Variants in PRTFDC1 observed in about 807,000 individuals in gnomAD.
The protein encoded by PRTFDC1 is phosphoribosyltransferase domain-containing protein 1.
Under a neutral mutation model 34.6 loss-of-function variants are expected in PRTFDC1, and 38 were observed. The ratio of observed to expected loss-of-function variants is 1.10; its 90% CI spans 0.85 to 1.44. The LOEUF is 1.44. PRTFDC1 is among the 40% of genes most tolerant of loss of function. The pLI is 0.00. For synonymous variants in PRTFDC1, 93 were observed against 98.1 expected (o/e 0.95, Z 0.31); for missense variants, 270 against 283.0 (o/e 0.95, Z 0.33).
chr10:24,880,648 C>G (rs972372390), intron 3 of PRTFDC1, among the ~76,000 whole-genome samples: 1 of 152,150 alleles, frequency 6.6e-6, no homozygotes, highest in Non-Finnish European at 1.5e-5. Context: ...GGACTGCTGT[C>G]CCTCTGGTGC....
intron 3 of PRTFDC1, among the ~76,000 whole-genome samples, chr10:24,932,356 C>G (rs1353284396): frequency 6.6e-6 from 1 of 151,762 alleles, no homozygotes; most frequent in Admixed American, 6.6e-5. Flanking sequence ...AAGGAAGAAG[C>G]AAAATCATCT....
chr10:24,881,144 T>C (rs560537537), intron 3 of PRTFDC1, among the ~76,000 whole-genome samples: 1 of 151,874 alleles, frequency 6.6e-6, no homozygotes, highest in African/African-American at 2.4e-5. Context: ...CATAGCTTAC[T>C]GCAGCCTCAA....
intron 3 of PRTFDC1, among the ~76,000 whole-genome samples, chr10:24,921,033 G>C (rs1409986947): frequency 6.6e-6 from 1 of 151,708 alleles, no homozygotes; most frequent in East Asian, 1.9e-4. Flanking sequence ...AATAAAACAA[G>C]AATATGTCAC....
rs535593578 is a variant in PRTFDC1, at chr10:24,870,558, T to G, written c.405+1440A>C. ...TACAATAAAATGCTAAAATGACGTA[T>G]TAGCTAAAGACCACTCCAGGGTCGT... is the stretch of plus-strand genomic sequence containing the variant. On this transcript the variant is annotated intron_variant, in intron 4 of 8. Transcript: ENST00000320152. Among the ~76,000 whole-genome samples, 84 of 152,326 alleles carry G rather than the reference T, an allele frequency of 5.5e-4. No homozygotes were observed. In the South Asian group the frequency reaches 5.6e-3, roughly 10 times the overall value.
intron 4 of PRTFDC1, 144 bp downstream of exon 4, chr10:24,871,854 T>A (rs527636975): frequency 1.6e-6 from 1 of 628,474 alleles, no homozygotes; most frequent in Non-Finnish European, 2.8e-6. Flanking sequence ...AAAGGGGAGA[T>A]CATTAAAAGG....
At chr10:24,937,747 G>A (rs530015155) in intron 2 of PRTFDC1, among the ~76,000 whole-genome samples, 1 of 151,758 alleles carries the variant, frequency 6.6e-6, no homozygotes, top group East Asian at 2.0e-4. Flanking sequence ...TAGTAGAGAC[G>A]AGGTTTTGCC....
At chr10:24,907,667 G>A (rs1231447835) in intron 3 of PRTFDC1, among the ~76,000 whole-genome samples, 1 of 152,122 alleles carries the variant, frequency 6.6e-6, no homozygotes, top group Admixed American at 6.5e-5. Context: ...AAACATCTGT[G>A]GAAATAGCAA....
At chr10:24,929,244 C>T (rs780584458) in intron 3 of PRTFDC1, among the ~76,000 whole-genome samples, 4 of 151,958 alleles carry the variant, frequency 2.6e-5, no homozygotes, top group Admixed American at 6.6e-5. Context: ...TGATTTAAAC[C>T]CTTTGTTCTG....
At chr10:24,853,634 A>C (rs1249503171) in intron 7 of PRTFDC1, among the ~76,000 whole-genome samples, 5 of 152,130 alleles carry the variant, frequency 3.3e-5, no homozygotes, top group Non-Finnish European at 7.4e-5. Flanking sequence ...GCAAATCCCA[A>C]GAAACCCTGT....
At chr10:24,919,167 C>T (rs1380105915) in intron 3 of PRTFDC1, among the ~76,000 whole-genome samples, 1 of 152,054 alleles carries the variant, frequency 6.6e-6, no homozygotes, top group Non-Finnish European at 1.5e-5. Context: ...AAATCCTATA[C>T]CTGGTACTAA....
chr10:24,938,552 A>G (rs1588624198), intron 2 of PRTFDC1, among the ~76,000 whole-genome samples: 1 of 152,318 alleles, frequency 6.6e-6, no homozygotes, highest in East Asian at 1.9e-4. Flanking sequence ...GATAGGGAAC[A>G]CTGTAAGCTA....
intron 3 of PRTFDC1, among the ~76,000 whole-genome samples, chr10:24,914,527 C>G (rs1848667439): frequency 6.6e-6 from 1 of 152,182 alleles, no homozygotes; most frequent in African/African-American, 2.4e-5. Context: ...CTGGCACACT[C>G]TCAGGCAGCA....
At chr10:24,877,342 A>T (rs905514343) in intron 3 of PRTFDC1, among the ~76,000 whole-genome samples, 3 of 151,864 alleles carry the variant, frequency 2.0e-5, no homozygotes, top group African/African-American at 7.3e-5. Context: ...CCTAACCATG[A>T]TATTTTTCTA....
chr10:24,861,494 T>C (rs1039765693), intron 4 of PRTFDC1, among the ~76,000 whole-genome samples: 4 of 150,112 alleles, frequency 2.7e-5, no homozygotes, highest in African/African-American at 9.7e-5. Context: ...AGTAAGACTC[T>C]ATCTCAAAAC....
intron 1 of PRTFDC1, among the ~76,000 whole-genome samples, chr10:24,945,786 C>T (rs149027750): frequency 2.8e-4 from 42 of 152,244 alleles, no homozygotes; most frequent in African/African-American, 8.4e-4. Flanking sequence ...AAAAGTGTCT[C>T]GTTTGCTCTC....
chr10:24,892,135 T>C (rs988445506), intron 3 of PRTFDC1, among the ~76,000 whole-genome samples: 1 of 152,144 alleles, frequency 6.6e-6, no homozygotes, highest in African/African-American at 2.4e-5. Context: ...AGCAGTGGGA[T>C]TGCTGGATCA....
chr10:24,944,322 G>A (rs1401670662), intron 1 of PRTFDC1, among the ~76,000 whole-genome samples: 1 of 152,020 alleles, frequency 6.6e-6, no homozygotes, highest in Admixed American at 6.5e-5. Flanking sequence ...CAACTCCCTC[G>A]AAATTTATCC....
chr10:24,951,581 G>A (rs1200592208), intron 1 of PRTFDC1: 1 of 985,236 alleles, frequency 1.0e-6, no homozygotes, highest in Non-Finnish European at 1.2e-6. Flanking sequence ...TTCATAAACA[G>A]ATTATCTGTG....
At chr10:24,876,217 C>CCAAAA (rs1019340328) in intron 3 of PRTFDC1, among the ~76,000 whole-genome samples, 2 of 151,394 alleles carry the variant, frequency 1.3e-5, no homozygotes, top group African/African-American at 2.4e-5. Context: ...AACGTTTCTA[C>CCAAAA]CAAAACAAAA....
Sources: allele counts gnomAD v4.1 joint callset (sites outside exome capture counted in the v4.1 genomes callset), GRCh38; gene constraint gnomAD v4.1.1; transcripts MANE v1.5; gene names NCBI Gene and HGNC (gene_info 2026-07-23, HGNC 2026-07-21).